GLI2: variants seen among roughly 807,000 people sequenced by gnomAD.
GLI2 encodes the protein GLI family zinc finger 2.
GLI2 carries 22 observed loss-of-function variants against 78.9 expected under a neutral mutation model. That is an observed-to-expected ratio of 0.28 (90% CI 0.20 to 0.40). The LOEUF is 0.40. Ranked by LOEUF, GLI2 falls within the 10% of genes least tolerant of loss-of-function variation. The pLI is 1.00. For synonymous variants in GLI2, 974 were observed against 963.7 expected (o/e 1.01, Z -0.20); for missense variants, 2,097 against 2,213.2 (o/e 0.95, Z 1.05).
chr2:120,757,851 G>A (rs979060627), intron 1 of GLI2, among the ~76,000 whole-genome samples: 4 of 152,180 alleles, frequency 2.6e-5, no homozygotes, highest in East Asian at 1.9e-4. Context: ...TTTGGTTTTC[G>A]TTCCTTCATT....
Position 120,989,974 on chromosome 2 carries a change from C to T in GLI2, c.4009C>T (p.Pro1337Ser). 1.2e-6 allele frequency: 2 copies of T among 1,610,766 alleles called. No homozygotes were observed. The highest frequency in any genetic ancestry group is 2.2e-5 in the South Asian group (2 of 90,700). ...TGCCCGCCAGCCTGGCTTCATGGAGCCCCAAACAGGCCCGATGGGGGTGGC... is the reference window on the plus strand; with the variant it reads ...TGCCCGCCAGCCTGGCTTCATGGAGTCCCAAACAGGCCCGATGGGGGTGGC... ...LPARQPGFME[P>S]QTGPMGVATA... is the part of the protein sequence containing the mutation. The change falls in exon 14 of 14, where the codon CCC becomes TCC. Residue 1337 changes from proline to serine, a missense_variant. By Grantham distance (74) the Pro-to-Ser change is moderately conservative (BLOSUM62 -1). Around this residue, in one of 5 missense-constraint regions of GLI2, gnomAD observed 1,290 missense variants for 1,261.7 expected, o/e 1.02. Coordinates refer to ENST00000361492, the MANE Select transcript of GLI2 (RefSeq NM_001374353.1).
chr2:120,741,436 C>G (rs551104042), intron 1 of GLI2, among the ~76,000 whole-genome samples: 1 of 151,976 alleles, frequency 6.6e-6, no homozygotes, highest in South Asian at 2.1e-4. Flanking sequence ...CTCTTCTGTC[C>G]TGCCCCCACC....
chr2:120,969,382 G>C (rs2105015862), intron 6 of GLI2, among the ~76,000 whole-genome samples: 1 of 152,304 alleles, frequency 6.6e-6, no homozygotes, highest in South Asian at 2.1e-4. Context: ...TGCGGCTCTA[G>C]TCTGTCTGAG....
At chr2:120,834,360 A>G (rs1292309199) in intron 2 of GLI2, among the ~76,000 whole-genome samples, 1 of 152,162 alleles carries the variant, frequency 6.6e-6, no homozygotes, top group African/African-American at 2.4e-5. Context: ...GGCCGGTTTG[A>G]ATGATTCTAG....
chr2:120,803,124 C>T (rs1320004990), intron 2 of GLI2, among the ~76,000 whole-genome samples: 1 of 152,240 alleles, frequency 6.6e-6, no homozygotes, highest in Non-Finnish European at 1.5e-5. Context: ...TGTGCTTACA[C>T]AGGCCTGCCA....
At chr2:120,925,966 G>A (rs1389338393) in intron 2 of GLI2, among the ~76,000 whole-genome samples, 4 of 151,312 alleles carry the variant, frequency 2.6e-5, no homozygotes, top group East Asian at 1.9e-4. Flanking sequence ...CCAGCTACTC[G>A]GGAGGCTGAG....
At chr2:120,876,662 G>A (rs1038434371) in intron 2 of GLI2, among the ~76,000 whole-genome samples, 62 of 152,152 alleles carry the variant, frequency 4.1e-4, no homozygotes, top group African/African-American at 1.4e-3. Context: ...GGACACAGGT[G>A]AGTCACATGC....
chr2:120,808,597 C>A (rs1485524313), intron 2 of GLI2, among the ~76,000 whole-genome samples: 2 of 152,208 alleles, frequency 1.3e-5, no homozygotes, highest in African/African-American at 4.8e-5. Context: ...TGTTGCCAGT[C>A]CCCAGACTGT....
intron 5 of GLI2, among the ~76,000 whole-genome samples, chr2:120,966,264 GA>G (rs1418664406): frequency 6.6e-6 from 1 of 152,122 alleles, no homozygotes; most frequent in African/African-American, 2.4e-5. Flanking sequence ...AGCTGGCAGG[GA>G]CTTGTTTTAT....
intron 2 of GLI2, among the ~76,000 whole-genome samples, chr2:120,841,003 G>A (rs1039895393): frequency 6.6e-6 from 1 of 152,210 alleles, no homozygotes; most frequent in Non-Finnish European, 1.5e-5. Flanking sequence ...CAGCTGAAAT[G>A]TGCATCTAAA....
chr2:120,765,465 G>A (rs1683338677), intron 1 of GLI2, among the ~76,000 whole-genome samples: 1 of 152,222 alleles, frequency 6.6e-6, no homozygotes, highest in Non-Finnish European at 1.5e-5. Flanking sequence ...CAGCAAGAAG[G>A]CCTGGTGTTG....
At chr2:120,888,636 T>G (rs1432967578) in intron 2 of GLI2, among the ~76,000 whole-genome samples, 1 of 148,864 alleles carries the variant, frequency 6.7e-6, no homozygotes, top group Non-Finnish European at 1.5e-5. Flanking sequence ...ATTGTTGAGT[T>G]TTTTTTTATT....
intron 2 of GLI2, among the ~76,000 whole-genome samples, chr2:120,807,751 T>C (rs973370917): frequency 3.3e-5 from 5 of 152,162 alleles, no homozygotes; most frequent in African/African-American, 9.7e-5. Context: ...CCGAGTCTAG[T>C]GGCCCCTCCT....
At chr2:120,835,583 A>T (rs1008659684) in intron 2 of GLI2, among the ~76,000 whole-genome samples, 2 of 151,932 alleles carry the variant, frequency 1.3e-5, no homozygotes, top group Non-Finnish European at 2.9e-5. Context: ...ATGGGGTTTC[A>T]CCATGTTGAC....
chr2:120,957,817 C>G (rs1371473207), intron 5 of GLI2, among the ~76,000 whole-genome samples: 1 of 152,258 alleles, frequency 6.6e-6, no homozygotes, highest in African/African-American at 2.4e-5. Flanking sequence ...CCATGTAATT[C>G]CCTTAGCCAC....
chr2:120,764,655 T>A (rs565774414), intron 1 of GLI2, among the ~76,000 whole-genome samples: 5 of 152,320 alleles, frequency 3.3e-5, no homozygotes, highest in South Asian at 2.1e-4. Context: ...CTGCTGCAGG[T>A]AGAAAGGGCT....
At chr2:120,775,910 C>T (rs945957760) in intron 1 of GLI2, among the ~76,000 whole-genome samples, 2 of 152,244 alleles carry the variant, frequency 1.3e-5, no homozygotes, top group Middle Eastern at 3.2e-3. Flanking sequence ...GGCCTTCCCC[C>T]GGGCTCCCAT....
At chr2:120,857,332 C>T (rs1395217154) in intron 2 of GLI2, among the ~76,000 whole-genome samples, 3 of 148,836 alleles carry the variant, frequency 2.0e-5, no homozygotes, top group African/African-American at 7.5e-5. Context: ...TGCCCACCCA[C>T]CTACCCATCT....
intron 2 of GLI2, among the ~76,000 whole-genome samples, chr2:120,810,860 G>A (rs899688239): frequency 1.1e-4 from 16 of 152,190 alleles, no homozygotes; most frequent in Non-Finnish European, 2.4e-4. Flanking sequence ...CCGTGATCTC[G>A]ATTGGCTTTC....
Sources: allele counts gnomAD v4.1 joint callset (sites outside exome capture counted in the v4.1 genomes callset), GRCh38; gene constraint gnomAD v4.1.1; regional missense constraint gnomAD v4.1.1; transcripts MANE v1.5; gene names NCBI Gene and HGNC (gene_info 2026-07-23, HGNC 2026-07-21).